Variants in SGCD observed in about 807,000 individuals in gnomAD.
SGCD encodes delta-sarcoglycan.
Under a neutral mutation model 36.6 loss-of-function variants are expected in SGCD, and 18 were observed. The observed-to-expected ratio is 0.49, with a 90% CI of 0.34 to 0.73. The LOEUF (loss-of-function observed/expected upper bound fraction) is 0.73. Ranked by LOEUF, SGCD falls within the 30% of genes least tolerant of loss-of-function variation. SGCD has a pLI of 0.01. For synonymous variants in SGCD, 133 were observed against 130.6 expected (o/e 1.02, Z -0.12); for missense variants, 387 against 346.7 (o/e 1.12, Z -0.92).
chr5:155,955,660 T>A lies in SGCD; in HGVS notation c.-282+85236T>A, dbSNP rs372516726. On this transcript the variant is annotated intron_variant, in intron 1 of 9. Coordinates refer to the SGCD transcript ENST00000517913. The stretch of plus-strand genomic sequence containing the variant: ...TTCTGTTGCGTGTTTGTGTGTGGGT[T>A]GTGTGGACACACACATGAGCATGTT... Among the ~76,000 whole-genome samples, 33 of 152,278 alleles carry A rather than the reference T, an allele frequency of 2.2e-4. 1 individual carries two copies. The highest frequency in any genetic ancestry group is 7.5e-4 in the African/African-American group (31 of 41,582).
In SGCD at chr5:156,504,805, G is replaced by A. The variant is rs543345041; in HGVS notation, c.193-3796G>A. ...GTCATCAATAAATGTTAAGGAAAGG[G>A]GATATATGTAAGTAGTGTAAGAAAA... On this transcript the variant is annotated intron_variant, in intron 3 of 8. Coordinates refer to ENST00000337851, the MANE Select transcript of SGCD (RefSeq NM_000337.6). 1.3e-4 allele frequency among the ~76,000 whole-genome samples: 20 copies of A among 152,256 alleles called. 1 individual carries two copies. Among genetic ancestry groups the A allele is most frequent in the African/African-American group, 4.3e-4 (18 of 41,526 alleles).
chr5:156,591,940 C>G (rs1760738193), intron 5 of SGCD, among the ~76,000 whole-genome samples: 1 of 152,190 alleles, frequency 6.6e-6, no homozygotes, highest in Non-Finnish European at 1.5e-5. Flanking sequence ...CTACCAATTA[C>G]TGAGCTTCAG....
intron 1 of SGCD, among the ~76,000 whole-genome samples, chr5:155,996,175 G>A (rs768595624): frequency 8.6e-5 from 13 of 152,028 alleles, no homozygotes; most frequent in East Asian, 1.9e-4. Flanking sequence ...GGTTTGTTAT[G>A]TAGCTAAAGT....
chr5:156,458,438 A>G, intron 3 of SGCD: 1 of 1,610,224 alleles, frequency 6.2e-7, no homozygotes, highest in Non-Finnish European at 8.5e-7. Flanking sequence ...TCTGAGGGTC[A>G]AACCCTGATT....
intron 3 of SGCD, among the ~76,000 whole-genome samples, chr5:156,317,178 C>T (rs547397628): frequency 3.3e-5 from 5 of 152,158 alleles, no homozygotes; most frequent in African/African-American, 1.2e-4. Context: ...GGGTGGCTCA[C>T]AAAATAGATA....
intron 7 of SGCD, among the ~76,000 whole-genome samples, chr5:156,671,183 A>AG (rs1554128232): frequency 8.6e-5 from 13 of 151,512 alleles, no homozygotes; most frequent in Non-Finnish European, 1.8e-4. Flanking sequence ...CATTAAAAAA[A>AG]AAAGAAAGAA....
At chr5:155,984,037 T>G (rs1758280923) in intron 1 of SGCD, among the ~76,000 whole-genome samples, 1 of 152,220 alleles carries the variant, frequency 6.6e-6, no homozygotes, top group African/African-American at 2.4e-5. Context: ...CTTACTTCTA[T>G]CTTCAGAAAC....
chr5:156,553,445 CT>C (rs907876514), intron 4 of SGCD, among the ~76,000 whole-genome samples: 1 of 152,050 alleles, frequency 6.6e-6, no homozygotes, highest in Admixed American at 6.6e-5. Context: ...CCTGTTAATT[CT>C]TTTTTTTAAT....
intron 1 of SGCD, among the ~76,000 whole-genome samples, chr5:156,091,743 C>T (rs943994647): frequency 3.9e-5 from 6 of 152,210 alleles, no homozygotes; most frequent in Non-Finnish European, 8.8e-5. Context: ...GTCTGGTATT[C>T]GCCCATTCAC....
chr5:156,251,821 C>T (rs993402254), intron 3 of SGCD, among the ~76,000 whole-genome samples: 2 of 151,904 alleles, frequency 1.3e-5, no homozygotes, highest in South Asian at 2.1e-4. Flanking sequence ...GCCTATACTA[C>T]GTTTTAAAAC....
At chr5:156,086,186 GA>G (rs1337086217) in intron 1 of SGCD, among the ~76,000 whole-genome samples, 1 of 152,220 alleles carries the variant, frequency 6.6e-6, no homozygotes. Flanking sequence ...TTATATAGCA[GA>G]ATGCTGTAAT....
the SGCD span, among the ~76,000 whole-genome samples, chr5:155,792,666 A>T: frequency 6.6e-6 from 1 of 152,144 alleles, no homozygotes; most frequent in Non-Finnish European, 1.5e-5. Context: ...GCTCAACATC[A>T]CTAGTCATCA....
chr5:155,844,178 A>AC, the SGCD span, among the ~76,000 whole-genome samples: 1 of 151,688 alleles, frequency 6.6e-6, no homozygotes, highest in Non-Finnish European at 1.5e-5. Context: ...GTTTCTTCTG[A>AC]CCTAGCATGT....
chr5:155,896,640 T>C (rs1756267535), intron 1 of SGCD, among the ~76,000 whole-genome samples: 1 of 141,098 alleles, frequency 7.1e-6, no homozygotes, highest in South Asian at 2.1e-4. Flanking sequence ...AGAGAGACCG[T>C]GTCTCAAAAA....
intron 6 of SGCD, among the ~76,000 whole-genome samples, chr5:156,605,842 G>A (rs535916924): frequency 2.0e-5 from 3 of 152,314 alleles, no homozygotes; most frequent in South Asian, 2.1e-4. Flanking sequence ...CTGCATAAAT[G>A]TCTTCTTTTG....
intron 3 of SGCD, among the ~76,000 whole-genome samples, chr5:156,283,356 G>A (rs1252857299): frequency 6.6e-6 from 1 of 152,156 alleles, no homozygotes; most frequent in Non-Finnish European, 1.5e-5. Flanking sequence ...GCACAGATCA[G>A]TCATACCCAG....
chr5:156,234,264 G>A (rs1017241971), intron 3 of SGCD, among the ~76,000 whole-genome samples: 1 of 152,052 alleles, frequency 6.6e-6, no homozygotes, highest in Non-Finnish European at 1.5e-5. Flanking sequence ...AGGGTTCTTT[G>A]TATATGTTGG....
intron 3 of SGCD, among the ~76,000 whole-genome samples, chr5:156,504,392 G>GTGTGTGTATATATATATA (rs1413599402): frequency 1.3e-5 from 1 of 75,072 alleles, no homozygotes; most frequent in African/African-American, 3.9e-5. Context: ...GTGTGTGTGT[G>GTGTGTGTATATATATATA]TATATATATA....
chr5:155,777,466 C>G, the SGCD span, among the ~76,000 whole-genome samples: 8 of 151,902 alleles, frequency 5.3e-5, no homozygotes, highest in African/African-American at 1.7e-4. Context: ...AAGCAGTCCT[C>G]CCACCTCAGC....
Sources: gnomAD v4.1 joint callset for allele counts (sites outside exome capture counted in the v4.1 genomes callset) on GRCh38, gnomAD v4.1.1 for gene constraint, MANE v1.5 for transcripts, NCBI Gene and HGNC (gene_info 2026-07-23, HGNC 2026-07-21) for gene names.